Variants in SLC14A2 observed in about 807,000 individuals in gnomAD.
The protein encoded by SLC14A2 is solute carrier family 14 member 2.
Under a neutral mutation model 104.6 loss-of-function variants are expected in SLC14A2, and 91 were observed. That is an observed-to-expected ratio of 0.87 (90% CI 0.73 to 1.04). SLC14A2 has a LOEUF of 1.04. Among genes scored for constraint, SLC14A2 ranks in the 50% least tolerant of loss-of-function variants. The probability of loss-of-function intolerance (pLI) is 0.00; values close to 1 mark genes in which losing one functional copy is unlikely to be tolerated. For missense variants in SLC14A2, 1,189 were observed against 1,156.0 expected (o/e 1.03, Z -0.41); for synonymous variants, 476 against 466.4 (o/e 1.02, Z -0.27).
At chr18:45,253,169 G>T (rs1362910919) in intron 1 of SLC14A2, among the ~76,000 whole-genome samples, 1 of 152,172 alleles carries the variant, frequency 6.6e-6, no homozygotes, top group Non-Finnish European at 1.5e-5. Flanking sequence ...CCACAGGTCA[G>T]GGTAGGGCCC....
At chr18:45,552,909 T>C (rs2044076549) in intron 2 of SLC14A2, among the ~76,000 whole-genome samples, 1 of 152,172 alleles carries the variant, frequency 6.6e-6, no homozygotes, top group South Asian at 2.1e-4. Context: ...CAGGGTGAGA[T>C]AGCAGCCATG....
intron 1 of SLC14A2, among the ~76,000 whole-genome samples, chr18:45,266,751 A>G (rs530074500): frequency 4.1e-4 from 63 of 152,314 alleles, no homozygotes; most frequent in Middle Eastern, 3.4e-3. Context: ...TAACTTCATT[A>G]CAACTGAGGA....
chr18:45,512,839 C>T (rs1598944212), intron 2 of SLC14A2, among the ~76,000 whole-genome samples: 1 of 152,124 alleles, frequency 6.6e-6, no homozygotes. Flanking sequence ...GAAGGCAGAG[C>T]GGAATTCCCA....
chr18:45,406,407 C>G lies in SLC14A2; in HGVS notation c.-124-76826C>G, dbSNP rs565655447. Among the ~76,000 whole-genome samples, 11 of 152,324 alleles carry G rather than the reference C, an allele frequency of 7.2e-5. No individual in the cohort carries two copies. The East Asian group carries it at 1.9e-3, about 27-fold the overall frequency. On this transcript the variant is annotated intron_variant, in intron 1 of 20. Coordinates refer to the SLC14A2 transcript ENST00000586448. ...TACAATTCTACCACATCTGCAGTAA[C>G]TTCCTCCACTAAAGTCTTGAACTCC...
chr18:45,625,797 A>G lies in SLC14A2; in HGVS notation c.265A>G (p.Ile89Val). The G allele has an allele frequency of 6.5e-7, 1 of 1,545,042 alleles. No homozygotes were observed. The highest frequency in any genetic ancestry group is 8.7e-7 in the Non-Finnish European group (1 of 1,151,942). ...TCGGGACTCAGCAGGCCAAAGGTGC[A>G]TCTGCCTCTCCAAAGCAGTGGGCTA... Reference protein sequence around the residue: ...AHRDSAGQRCICLSKAVGYLT... With the variant: ...AHRDSAGQRCVCLSKAVGYLT... Residue 89 changes from isoleucine to valine, a missense_variant, in exon 3 of 20, where the codon ATC becomes GTC. Physicochemically the swap from Ile to Val is conservative, Grantham distance 29. Coordinates refer to ENST00000255226, the MANE Select transcript of SLC14A2 (RefSeq NM_007163.4).
intron 13 of SLC14A2, among the ~76,000 whole-genome samples, chr18:45,667,454 T>C (rs772246750): frequency 6.6e-6 from 1 of 152,206 alleles, no homozygotes; most frequent in Non-Finnish European, 1.5e-5. Flanking sequence ...GAACTGTGTC[T>C]ACCATGCCAA....
At chr18:45,608,633 G>T (rs2044913525) in intron 2 of SLC14A2, among the ~76,000 whole-genome samples, 1 of 152,084 alleles carries the variant, frequency 6.6e-6, no homozygotes, top group Non-Finnish European at 1.5e-5. Flanking sequence ...TCAGAGTTTT[G>T]GCTGTTTAAA....
intron 2 of SLC14A2, among the ~76,000 whole-genome samples, chr18:45,514,589 G>A (rs1314415587): frequency 6.6e-6 from 1 of 152,174 alleles, no homozygotes; most frequent in Non-Finnish European, 1.5e-5. Context: ...AGAAAATGCT[G>A]TGGATGCCTA....
chr18:45,468,857 A>G (rs1452056587), intron 1 of SLC14A2, among the ~76,000 whole-genome samples: 2 of 152,242 alleles, frequency 1.3e-5, no homozygotes, highest in East Asian at 3.8e-4. Flanking sequence ...GACCCCTTGT[A>G]AGATATCAAA....
intron 16 of SLC14A2, 130 bp downstream of exon 16, chr18:45,669,628 T>A: frequency 1.4e-6 from 1 of 735,444 alleles, no homozygotes; most frequent in Non-Finnish European, 2.2e-6. Flanking sequence ...GCATTCTACA[T>A]ATATATCTCA....
intron 2 of SLC14A2, among the ~76,000 whole-genome samples, chr18:45,547,419 C>T (rs966615438): frequency 1.3e-5 from 2 of 152,184 alleles, no homozygotes; most frequent in African/African-American, 2.4e-5. Context: ...CCTCCTCTGA[C>T]TCTTAGAATA....
chr18:45,667,252 T>C (rs1221256163), intron 13 of SLC14A2, among the ~76,000 whole-genome samples, 158 bp downstream of exon 13: 1 of 152,238 alleles, frequency 6.6e-6, no homozygotes, highest in East Asian at 1.9e-4. Flanking sequence ...GTTTTGCTGT[T>C]AAAACAGACA....
chr18:45,246,899 T>C (rs1234916613), intron 1 of SLC14A2, among the ~76,000 whole-genome samples: 1 of 152,200 alleles, frequency 6.6e-6, no homozygotes, highest in Non-Finnish European at 1.5e-5. Context: ...ATCCCCATTT[T>C]TTCAGAGGAG....
At chr18:45,283,537 A>G (rs1224530734) in intron 1 of SLC14A2, among the ~76,000 whole-genome samples, 2 of 152,226 alleles carry the variant, frequency 1.3e-5, no homozygotes, top group African/African-American at 4.8e-5. Context: ...AAAATGCTGC[A>G]GTCACTAGCA....
At chr18:45,363,719 C>T (rs1214697380) in intron 1 of SLC14A2, among the ~76,000 whole-genome samples, 2 of 152,122 alleles carry the variant, frequency 1.3e-5, no homozygotes, top group African/African-American at 2.4e-5. Flanking sequence ...ACAAAAGTAA[C>T]ACATTGGGTC....
rs1233996490 is a variant in SLC14A2 at position 45,521,449 on chromosome 18, G to C, written c.-35+38127G>C. On this transcript the variant is annotated intron_variant, in intron 2 of 20. Transcript: ENST00000586448. ...TGGATAGTACCATAAGCAGGATACA[G>C]CTCAGGGACCAGAGAGAGTAACACA... 3.3e-5 allele frequency among the ~76,000 whole-genome samples: 5 copies of C among 152,150 alleles called. No individual in the cohort carries two copies. The South Asian group carries it at 8.3e-4, about 25-fold the overall frequency.
intron 2 of SLC14A2, among the ~76,000 whole-genome samples, chr18:45,539,806 T>C (rs933418815): frequency 6.7e-6 from 1 of 149,572 alleles, no homozygotes; most frequent in Admixed American, 6.7e-5. Context: ...GCAAGCAGGG[T>C]AATAAATAAC....
At chr18:45,346,169 T>C (rs191410627) in intron 1 of SLC14A2, among the ~76,000 whole-genome samples, 40 of 152,334 alleles carry the variant, frequency 2.6e-4, no homozygotes, top group African/African-American at 8.7e-4. Context: ...TCCTTTTTTT[T>C]CCCCTTGAGT....
At chr18:45,382,731 T>G (rs1311713321) in intron 1 of SLC14A2, among the ~76,000 whole-genome samples, 1 of 152,252 alleles carries the variant, frequency 6.6e-6, no homozygotes, top group Non-Finnish European at 1.5e-5. Context: ...ACTTGCTAAA[T>G]ACTTCTAATT....
Sources: allele counts gnomAD v4.1 joint callset (sites outside exome capture counted in the v4.1 genomes callset), GRCh38; gene constraint gnomAD v4.1.1; transcripts MANE v1.5; gene names NCBI Gene and HGNC (gene_info 2026-07-23, HGNC 2026-07-21).